The following CRPPA variants were observed in gnomAD, a reference collection of about 807,000 sequenced individuals.
CRPPA encodes the protein CDP-L-ribitol pyrophosphorylase A.
Under a neutral mutation model 52.0 loss-of-function variants are expected in CRPPA, and 43 were observed. That is an observed-to-expected ratio of 0.83 (90% CI 0.65 to 1.07). The LOEUF (loss-of-function observed/expected upper bound fraction) is 1.07, where lower values mean the gene tolerates loss of function less well. Among genes scored for constraint, CRPPA ranks in the 50% least tolerant of loss-of-function variants. The probability of loss-of-function intolerance (pLI) is 0.00; values close to 1 mark genes in which losing one functional copy is unlikely to be tolerated. For synonymous variants in CRPPA, 250 were observed against 203.5 expected (o/e 1.23, Z -1.94); for missense variants, 629 against 551.7 (o/e 1.14, Z -1.40).
intron 9 of CRPPA, among the ~76,000 whole-genome samples, chr7:16,195,814 T>C (rs1051512597): frequency 6.6e-6 from 1 of 152,116 alleles, no homozygotes; most frequent in Non-Finnish European, 1.5e-5. Flanking sequence ...TCTGCACTCA[T>C]CCAGAAGAAC....
intron 9 of CRPPA, among the ~76,000 whole-genome samples, chr7:16,171,327 C>T (rs1360356536): frequency 6.6e-6 from 1 of 152,104 alleles, no homozygotes; most frequent in Admixed American, 6.6e-5. Flanking sequence ...ATAAACGTTA[C>T]TTTTTTTAAT....
chr7:16,125,589 A>G lies in CRPPA; in HGVS notation c.1252-33790T>C, dbSNP rs118065198. On this transcript the variant is annotated intron_variant, in intron 9 of 9. Transcript: ENST00000407010. ...ACATGGTATACTCTCAATTGACTAG[A>G]TCATAAGTAAAATTATAGTAATGGA... is the stretch of plus-strand genomic sequence containing the variant. Among the ~76,000 whole-genome samples the G allele has an allele frequency of 1.6e-4, 25 of 152,282 alleles. No individual in the cohort carries two copies. The East Asian group carries it at 4.6e-3, about 28-fold the overall frequency.
chr7:16,140,244 A>G lies in CRPPA; in HGVS notation c.1252-48445T>C, dbSNP rs150961183. Among the ~76,000 whole-genome samples, 846 of 152,206 alleles carry G rather than the reference A, an allele frequency of 5.6e-3. 15 individuals are homozygous for G. Among genetic ancestry groups the G allele is most frequent in the African/African-American group, 0.02 (820 of 41,524 alleles). ...TTCACTACAATGTCCACCTCCGGGG[A>G]TCAAGTGATTCTTGTGCCTCAGGCT... On this transcript the variant is annotated intron_variant, in intron 9 of 9. Coordinates refer to ENST00000407010, the MANE Select transcript of CRPPA (RefSeq NM_001101426.4).
intron 5 of CRPPA, among the ~76,000 whole-genome samples, chr7:16,295,287 CA>C (rs1436744457): frequency 3.3e-5 from 5 of 151,994 alleles, no homozygotes; most frequent in Admixed American, 6.6e-5. Flanking sequence ...ACAAGAATTT[CA>C]GAGAAAATCA....
intron 9 of CRPPA, among the ~76,000 whole-genome samples, chr7:16,159,661 A>G (rs960383100): frequency 6.6e-6 from 1 of 152,234 alleles, no homozygotes; most frequent in Admixed American, 6.5e-5. Context: ...AGGTGCTGCA[A>G]TAAACATAAG....
chr7:16,188,199 T>C (rs543687353), intron 9 of CRPPA, among the ~76,000 whole-genome samples: 106 of 152,028 alleles, frequency 7.0e-4, no homozygotes, highest in Admixed American at 9.2e-4. Flanking sequence ...TTAGCCAGGA[T>C]GGTCTCGATT....
At chr7:16,420,919 T>C (rs1311176860) in intron 1 of CRPPA, 147 bp downstream of exon 1, 1 of 669,300 alleles carries the variant, frequency 1.5e-6, no homozygotes, top group Non-Finnish European at 2.2e-6. Context: ...ATCTCTGAAA[T>C]GCGGGAGGGA....
chr7:16,202,573 A>C (rs1781884358), intron 9 of CRPPA, among the ~76,000 whole-genome samples: 1 of 152,184 alleles, frequency 6.6e-6, no homozygotes, highest in South Asian at 2.1e-4. Context: ...TAAGGAAGTC[A>C]GACAATTAGC....
chr7:16,324,879 A>C (rs956067375), intron 3 of CRPPA, among the ~76,000 whole-genome samples: 1 of 152,210 alleles, frequency 6.6e-6, no homozygotes, highest in Non-Finnish European at 1.5e-5. Context: ...TTTACAGTTG[A>C]CTATACTACA....
At chr7:16,413,788 A>G (rs1788125542) in intron 1 of CRPPA, among the ~76,000 whole-genome samples, 1 of 152,230 alleles carries the variant, frequency 6.6e-6, no homozygotes, top group Admixed American at 6.5e-5. Flanking sequence ...TTAAACAATA[A>G]TGAAATATAG....
At chr7:16,324,284 G>T (rs910430426) in intron 3 of CRPPA, among the ~76,000 whole-genome samples, 1 of 152,180 alleles carries the variant, frequency 6.6e-6, no homozygotes, top group Admixed American at 6.5e-5. Flanking sequence ...CTGCAGACTG[G>T]TGAGCCACTG....
chr7:16,415,373 CA>C (rs1028529591), intron 1 of CRPPA, among the ~76,000 whole-genome samples: 24 of 152,272 alleles, frequency 1.6e-4, no homozygotes, highest in African/African-American at 5.5e-4. Context: ...CTCACTGTAT[CA>C]AAATGTAGTC....
chr7:16,417,252 TAAAAC>T (rs1788216433), intron 1 of CRPPA, among the ~76,000 whole-genome samples: 1 of 152,166 alleles, frequency 6.6e-6, no homozygotes, highest in Non-Finnish European at 1.5e-5. Context: ...TCAAAGAACT[TAAAAC>T]AGAACTACCA....
At chr7:16,331,149 G>A (rs1005813250) in intron 3 of CRPPA, among the ~76,000 whole-genome samples, 3 of 151,968 alleles carry the variant, frequency 2.0e-5, no homozygotes, top group Non-Finnish European at 2.9e-5. Flanking sequence ...ACAGGCGCAC[G>A]CCACCATGCC....
intron 9 of CRPPA, among the ~76,000 whole-genome samples, chr7:16,174,666 C>T (rs751180756): frequency 5.3e-4 from 80 of 151,804 alleles, no homozygotes; most frequent in Non-Finnish European, 1.1e-3. Flanking sequence ...GCAGAAAGTA[C>T]CTAATCAACT....
At chr7:16,097,217 G>A (rs905374494) in intron 9 of CRPPA, among the ~76,000 whole-genome samples, 4 of 151,994 alleles carry the variant, frequency 2.6e-5, no homozygotes, top group African/African-American at 9.7e-5. Flanking sequence ...TTTCTTCTTA[G>A]ATATTAAGAA....
At chr7:16,227,901 T>A (rs1173409237) in intron 8 of CRPPA, among the ~76,000 whole-genome samples, 1 of 151,874 alleles carries the variant, frequency 6.6e-6, no homozygotes, top group Non-Finnish European at 1.5e-5. Flanking sequence ...CCCTAATCCA[T>A]TTGGAGTGGT....
chr7:16,390,821 A>G (rs1279265239), intron 2 of CRPPA, among the ~76,000 whole-genome samples: 3 of 152,166 alleles, frequency 2.0e-5, no homozygotes, highest in African/African-American at 4.8e-5. Flanking sequence ...AGATGACTTA[A>G]TAAGTAACAG....
At chr7:16,210,844 GAA>G (rs1298184527) in intron 9 of CRPPA, among the ~76,000 whole-genome samples, 1 of 134,880 alleles carries the variant, frequency 7.4e-6, no homozygotes, top group Admixed American at 7.4e-5. Flanking sequence ...CTTTTATCCA[GAA>G]AAAAAAAAAA....
Sources: gnomAD v4.1 joint callset for allele counts (sites outside exome capture counted in the v4.1 genomes callset) on GRCh38, gnomAD v4.1.1 for gene constraint, MANE v1.5 for transcripts, NCBI Gene and HGNC (gene_info 2026-07-23, HGNC 2026-07-21) for gene names.